Variants in ARL15 observed in about 807,000 individuals in gnomAD.
ARL15 encodes ARF like GTPase 15.
ARL15 carries 19 observed loss-of-function variants against 25.2 expected under a neutral mutation model. That is an observed-to-expected ratio of 0.75 (90% CI 0.53 to 1.10). The LOEUF (loss-of-function observed/expected upper bound fraction) is 1.10, where lower values mean the gene tolerates loss of function less well. ARL15 is among the 50% of genes least tolerant of loss of function. The probability of loss-of-function intolerance (pLI) is 0.00; values close to 1 mark genes in which losing one functional copy is unlikely to be tolerated. For synonymous variants in ARL15, 94 were observed against 86.8 expected (o/e 1.08, Z -0.46); for missense variants, 220 against 246.0 (o/e 0.89, Z 0.71).
At chr5:54,265,808 CA>C (rs752292133) in intron 1 of ARL15, among the ~76,000 whole-genome samples, 3 of 152,262 alleles carry the variant, frequency 2.0e-5, no homozygotes, top group East Asian at 3.9e-4. Context: ...TTTTATAAAA[CA>C]CTACAAACTG....
In ARL15 at chr5:54,310,453, C is replaced by T. The variant is rs1758867966; in HGVS notation, c.27G>A (p.Ala9=). The part of the protein sequence containing the change: MSDLRITE[A]FLYMDYLCFR... ...CTACCAGATAATCCATGTACAGAAA[C>T]GCCTCAGTTATTCGGAGATCAGACA... The change falls in exon 1 of 5, where the codon GCG becomes GCA. Residue 9 remains alanine (A), a synonymous_variant. Coordinates refer to ENST00000504924, the MANE Select transcript of ARL15 (RefSeq NM_019087.3). 2 of 1,610,234 alleles carry T rather than the reference C, an allele frequency of 1.2e-6. No homozygotes were observed. Among genetic ancestry groups the T allele is most frequent in the Non-Finnish European group, 1.7e-6 (2 of 1,178,398 alleles).
At chr5:54,239,347 T>A (rs1297428852) in intron 1 of ARL15, among the ~76,000 whole-genome samples, 1 of 152,052 alleles carries the variant, frequency 6.6e-6, no homozygotes, top group Non-Finnish European at 1.5e-5. Flanking sequence ...TTGGTATGTA[T>A]CAGTTGGAAA....
chr5:54,163,354 AGCTTTTTTT>A lies in ARL15; in HGVS notation c.193+8421_193+8429del, dbSNP rs56890182. Among the ~76,000 whole-genome samples, 77 of 63,080 alleles carry A rather than the reference AGCTTTTTTT, an allele frequency of 1.2e-3. 3 individuals carry two copies. The highest frequency in any genetic ancestry group is 9.9e-3 in the Admixed American group (55 of 5,544). The allele number at this position is 63,080 out of a possible 152,430, so 41.4% of individuals were successfully genotyped here. ...GTGTCCATGAGGGCTATTGGTATGA[AGCTTTTTTT>A]TTTTTTTTTTTTTTTTTTTTTTTTT... On this transcript the variant is annotated intron_variant, in intron 2 of 4. Coordinates refer to ENST00000504924, the MANE Select transcript of ARL15 (RefSeq NM_019087.3).
chr5:54,263,862 T>C (rs2112628285), intron 1 of ARL15, among the ~76,000 whole-genome samples: 1 of 152,206 alleles, frequency 6.6e-6, no homozygotes, highest in East Asian at 1.9e-4. Flanking sequence ...GATCATCTTC[T>C]TTGCTCCCCA....
At chr5:54,091,266 A>G (rs916479528) in intron 4 of ARL15, among the ~76,000 whole-genome samples, 1 of 152,230 alleles carries the variant, frequency 6.6e-6, no homozygotes, top group Non-Finnish European at 1.5e-5. Flanking sequence ...CAGCCAAACA[A>G]CCTTTTGGCA....
intron 4 of ARL15, among the ~76,000 whole-genome samples, chr5:54,091,575 C>T (rs1216275584): frequency 6.6e-6 from 1 of 152,108 alleles, no homozygotes; most frequent in Non-Finnish European, 1.5e-5. Context: ...GTTCCAGCAA[C>T]CCAGTTGTGG....
At chr5:54,308,296 T>C (rs1225895120) in intron 1 of ARL15, among the ~76,000 whole-genome samples, 1 of 152,222 alleles carries the variant, frequency 6.6e-6, no homozygotes, top group African/African-American at 2.4e-5. Context: ...CTAAACTGTT[T>C]CCTTTAAGAT....
chr5:54,067,728 A>AC (rs1751286626), intron 4 of ARL15, among the ~76,000 whole-genome samples: 8 of 152,320 alleles, frequency 5.3e-5, no homozygotes, highest in African/African-American at 1.7e-4. Context: ...TAAACAGCAC[A>AC]TTGCCTGGCA....
chr5:53,890,447 T>G (rs1425809629), intron 4 of ARL15, among the ~76,000 whole-genome samples: 1 of 152,224 alleles, frequency 6.6e-6, no homozygotes, highest in African/African-American at 2.4e-5. Flanking sequence ...AACCTAAATC[T>G]TTTGACTACT....
rs570113927 is a variant in ARL15, at chr5:54,190,208, C to T, written c.49-18280G>A. The stretch of plus-strand genomic sequence containing the variant: ...GAGTTCGAGACCAGCCTGGCCAACA[C>T]GGTGAAACCCCGTTTCTACTAAAGA... On this transcript the variant is annotated intron_variant, in intron 1 of 4. Coordinates refer to ENST00000504924, the MANE Select transcript of ARL15 (RefSeq NM_019087.3). Among the ~76,000 whole-genome samples the T allele has an allele frequency of 1.2e-4, 18 of 151,930 alleles. No individual in the cohort carries two copies. The South Asian group carries it at 2.9e-3, about 25-fold the overall frequency.
intron 4 of ARL15, among the ~76,000 whole-genome samples, chr5:53,936,763 G>A (rs1746360036): frequency 6.6e-6 from 1 of 152,114 alleles, no homozygotes; most frequent in Non-Finnish European, 1.5e-5. Flanking sequence ...TATAACCTGA[G>A]GACAAGAGCC....
chr5:53,953,679 T>G (rs1747049953), intron 4 of ARL15, among the ~76,000 whole-genome samples: 1 of 152,140 alleles, frequency 6.6e-6, no homozygotes, highest in Non-Finnish European at 1.5e-5. Context: ...GGGAAATACA[T>G]TTTGTAATGC....
chr5:54,025,381 C>T (rs1003918497), intron 4 of ARL15, among the ~76,000 whole-genome samples: 2 of 151,142 alleles, frequency 1.3e-5, no homozygotes, highest in African/African-American at 2.4e-5. Context: ...CTTGTGAAGG[C>T]GATTCTGTAA....
intron 4 of ARL15, among the ~76,000 whole-genome samples, chr5:53,960,197 T>A (rs945950233): frequency 6.6e-6 from 1 of 152,192 alleles, no homozygotes; most frequent in Admixed American, 6.5e-5. Context: ...ATATATCATC[T>A]TCTCATTATC....
chr5:54,028,645 C>T (rs1749867305), intron 4 of ARL15, among the ~76,000 whole-genome samples: 1 of 152,090 alleles, frequency 6.6e-6, no homozygotes, highest in African/African-American at 2.4e-5. Flanking sequence ...ACTTAATTGG[C>T]AGTCTATCCA....
At chr5:54,065,780 A>G (rs1751211378) in intron 4 of ARL15, among the ~76,000 whole-genome samples, 1 of 152,266 alleles carries the variant, frequency 6.6e-6, no homozygotes, top group Non-Finnish European at 1.5e-5. Context: ...ACCTAGTATG[A>G]GAAAAATAAT....
chr5:54,194,313 G>A (rs1255209627), intron 1 of ARL15, among the ~76,000 whole-genome samples: 1 of 152,050 alleles, frequency 6.6e-6, no homozygotes, highest in Non-Finnish European at 1.5e-5. Flanking sequence ...GAAGAACATA[G>A]GCAAGGATAA....
At chr5:53,911,963 G>T (rs1745476824) in intron 4 of ARL15, 1 of 151,486 alleles carries the variant, frequency 6.6e-6, no homozygotes, top group Admixed American at 6.6e-5. Flanking sequence ...TCCTTTCCAA[G>T]AATTCCTTCC....
At chr5:54,240,534 A>T (rs2112574878) in intron 1 of ARL15, among the ~76,000 whole-genome samples, 1 of 152,178 alleles carries the variant, frequency 6.6e-6, no homozygotes, top group East Asian at 1.9e-4. Flanking sequence ...AACATACTGT[A>T]TTGCAAGTGT....
Sources: gnomAD v4.1 joint callset for allele counts (sites outside exome capture counted in the v4.1 genomes callset) on GRCh38, gnomAD v4.1.1 for gene constraint, MANE v1.5 for transcripts, NCBI Gene and HGNC (gene_info 2026-07-23, HGNC 2026-07-21) for gene names.